The following COPS4 variants were observed in gnomAD, a reference collection of about 807,000 sequenced individuals.
COPS4 encodes COP9 signalosome subunit 4, also known as COP9 signalosome complex subunit 4.
A neutral mutation model predicts 55.1 loss-of-function variants in COPS4; 8 were observed. The observed-to-expected ratio is 0.15, with a 90% CI of 0.09 to 0.26. COPS4 has a LOEUF of 0.26. Ranked by LOEUF, COPS4 falls within the 10% of genes least tolerant of loss-of-function variation. The pLI is 1.00. For synonymous variants in COPS4, 185 were observed against 165.7 expected (o/e 1.12, Z -0.90); for missense variants, 248 against 484.0 (o/e 0.51, Z 4.58).
rs140084202 is a variant in COPS4, at chr4:83,040,319, C to T, written c.74+5021C>T. 3.2e-3 allele frequency among the ~76,000 whole-genome samples: 484 copies of T among 152,114 alleles called. 3 individuals are homozygous for T. Among genetic ancestry groups the T allele is most frequent in the African/African-American group, 0.011 (460 of 41,472 alleles). ...TCTGATAACTCCAGTCAGTATTTGA[C>T]GTTTTGGTTGTTGCGATTGTCTGTT... is the stretch of plus-strand genomic sequence containing the variant. On this transcript the variant is annotated intron_variant, in intron 1 of 9. Transcript: ENST00000264389.
chr4:83,056,702 G>A (rs1445151685), intron 4 of COPS4, among the ~76,000 whole-genome samples: 1 of 152,152 alleles, frequency 6.6e-6, no homozygotes, highest in Non-Finnish European at 1.5e-5. Flanking sequence ...GGGAGGCTGA[G>A]GCAGGAGAAT....
intron 6 of COPS4, among the ~76,000 whole-genome samples, chr4:83,062,570 A>C (rs1422233630): frequency 1.1e-3 from 2 of 1,742 alleles, no homozygotes; most frequent in African/African-American, 1.4e-3. Context: ...TGTCCTTTTC[A>C]TGGTCTGTTT....
At chr4:83,046,406 C>A (rs1236892366) in intron 2 of COPS4, among the ~76,000 whole-genome samples, 2 of 152,138 alleles carry the variant, frequency 1.3e-5, no homozygotes, top group Admixed American at 1.3e-4. Flanking sequence ...GCAGAAGTAC[C>A]ATTCAACCAG....
intron 7 of COPS4, among the ~76,000 whole-genome samples, chr4:83,064,531 G>T (rs1731247898): frequency 6.6e-6 from 1 of 152,058 alleles, no homozygotes; most frequent in Admixed American, 6.6e-5. Flanking sequence ...CCCTCTGCCT[G>T]CTGTACTACT....
At chr4:83,037,904 T>G (rs1730467923) in intron 1 of COPS4, among the ~76,000 whole-genome samples, 1 of 152,218 alleles carries the variant, frequency 6.6e-6, no homozygotes, top group Admixed American at 6.5e-5. Flanking sequence ...AAAGCTCATT[T>G]TAAACCTACC....
At chr4:83,066,871 T>C (rs1391468125) in intron 8 of COPS4, among the ~76,000 whole-genome samples, 2 of 152,222 alleles carry the variant, frequency 1.3e-5, no homozygotes, top group African/African-American at 4.8e-5. Context: ...TGTCTTTGTT[T>C]GGTGTCTGTT....
intron 9 of COPS4, among the ~76,000 whole-genome samples, chr4:83,069,345 CT>C (rs571891089): frequency 7.2e-4 from 110 of 152,322 alleles, no homozygotes; most frequent in African/African-American, 2.5e-3. Context: ...GGTCTGTGGT[CT>C]GTCTCCGTTA....
At chr4:83,063,359 T>TA (rs1285792247) in intron 7 of COPS4, 113 bp downstream of exon 7, 1 of 684,446 alleles carries the variant, frequency 1.5e-6, no homozygotes, top group Non-Finnish European at 2.2e-6. Flanking sequence ...CACTTCCTCA[T>TA]AAAAAAAGAG....
intron 9 of COPS4, among the ~76,000 whole-genome samples, chr4:83,068,800 C>T (rs2868748): frequency 1 from 151,523 of 152,214 alleles, 75,417 homozygotes; most frequent in Middle Eastern, 1. Flanking sequence ...TGAAACCCTG[C>T]CTCTACTAAA....
intron 6 of COPS4, among the ~76,000 whole-genome samples, chr4:83,061,051 T>A (rs1161814754): frequency 0.01 from 1,542 of 150,514 alleles, 32 homozygotes; most frequent in African/African-American, 0.035. Flanking sequence ...AAAATAATAA[T>A]AATAATAATA....
At chr4:83,061,062 A>C (rs777622664) in intron 6 of COPS4, among the ~76,000 whole-genome samples, 2 of 151,718 alleles carry the variant, frequency 1.3e-5, no homozygotes, top group Non-Finnish European at 2.9e-5. Context: ...AATAATAATA[A>C]TCCTTGCTTG....
Position 83,056,906 on chromosome 4 carries a change from G to A in COPS4, c.411-20G>A. On this transcript the variant is annotated intron_variant, in intron 4 of 9. Coordinates refer to ENST00000264389, the MANE Select transcript of COPS4 (RefSeq NM_016129.3). ...TTGACAAAATGTTGAGTCATTATGT[G>A]TTTTTCTGTTACATCCTAGACAGTA... 1 of 1,554,772 alleles carries A rather than the reference G, an allele frequency of 6.4e-7. No individual in the cohort carries two copies. Among genetic ancestry groups the A allele is most frequent in the South Asian group, 1.2e-5 (1 of 83,926 alleles).
At chr4:83,070,084 C>G (rs1342175195) in intron 9 of COPS4, among the ~76,000 whole-genome samples, 1 of 148,462 alleles carries the variant, frequency 6.7e-6, no homozygotes, top group Non-Finnish European at 1.5e-5. Context: ...CTTTTTGAAC[C>G]TTCACCCCAC....
rs992022322 is a variant in COPS4, at chr4:83,075,528, C to A, written c.*98C>A. On this transcript the variant is annotated 3_prime_UTR_variant, in exon 10 of 10. Transcript: ENST00000264389. The stretch of plus-strand genomic sequence containing the variant: ...ATTTGCATCATGACCTTATACATTT[C>A]AATCCCTTTTATGCTGGATTCCGTT... The A allele has an allele frequency of 7.3e-7, 1 of 1,365,464 alleles. No individual in the cohort carries two copies. Among genetic ancestry groups the A allele is most frequent in the Non-Finnish European group, 1.0e-6 (1 of 990,752 alleles). The allele number at this position is 1,365,464 out of a possible 1,614,324, so 84.6% of individuals were successfully genotyped here.
chr4:83,040,560 G>A (rs908273084), intron 1 of COPS4, among the ~76,000 whole-genome samples: 1 of 152,138 alleles, frequency 6.6e-6, no homozygotes, highest in South Asian at 2.1e-4. Context: ...TTGCTTCTCA[G>A]TGCTTCCAGC....
intron 6 of COPS4, among the ~76,000 whole-genome samples, chr4:83,062,577 GTTTA>G (rs1220960900): frequency 0.017 from 1 of 60 alleles, no homozygotes; most frequent in Non-Finnish European, 0.038. Flanking sequence ...TTCATGGTCT[GTTTA>G]AGATCATGTT....
chr4:83,049,897 A>G lies in COPS4; in HGVS notation c.323A>G (p.Gln108Arg). The part of the protein sequence containing the change: ...SFEEQVASIR[Q>R]HLASIYEKEE... ...TTATTCCAGGTTGCTTCCATAAGAC[A>G]GCATCTTGCATCTATATATGAGAAA... The change falls in exon 4 of 10, where the codon CAG becomes CGG. Residue 108 changes from glutamine (Q) to arginine (R), a missense_variant. This residue lies in a region of COPS4 where 155 missense variants were observed against 326.6 expected (regional missense o/e 0.47). Transcript: ENST00000264389. The G allele has an allele frequency of 6.2e-7, 1 of 1,606,032 alleles. No individual in the cohort carries two copies. The highest frequency in any genetic ancestry group is 1.3e-5 in the African/African-American group (1 of 74,642).
chr4:83,054,749 T>A (rs1280134780), intron 4 of COPS4, among the ~76,000 whole-genome samples: 3 of 152,212 alleles, frequency 2.0e-5, no homozygotes, highest in African/African-American at 4.8e-5. Context: ...GTGGTCATAA[T>A]TATCATTTTA....
intron 4 of COPS4, among the ~76,000 whole-genome samples, chr4:83,055,513 G>T (rs1202259476): frequency 2.0e-5 from 3 of 151,000 alleles, no homozygotes; most frequent in Non-Finnish European, 4.4e-5. Flanking sequence ...GCATGATCTC[G>T]GCTTACTGCA....
Sources: gnomAD v4.1 joint callset for allele counts (sites outside exome capture counted in the v4.1 genomes callset) on GRCh38, gnomAD v4.1.1 for gene constraint, gnomAD v4.1.1 regional missense constraint, MANE v1.5 for transcripts, NCBI Gene and HGNC (gene_info 2026-07-23, HGNC 2026-07-21) for gene names.